Variants in SLC24A2 observed in about 807,000 individuals in gnomAD.
SLC24A2 encodes the protein solute carrier family 24 member 2, also known as sodium/potassium/calcium exchanger 2.
SLC24A2 carries 36 observed loss-of-function variants against 62.0 expected under a neutral mutation model. The observed-to-expected ratio is 0.58, with a 90% CI of 0.44 to 0.77. SLC24A2 has a LOEUF of 0.77. SLC24A2 is among the 30% of genes least tolerant of loss of function. The pLI is 0.00. For synonymous variants in SLC24A2, 358 were observed against 294.0 expected, an observed-to-expected ratio of 1.22 and a Z score of -2.23; for missense variants, 846 against 817.9, an observed-to-expected ratio of 1.03 and a Z score of -0.42.
the SLC24A2 span, among the ~76,000 whole-genome samples, chr9:20,103,681 C>A: frequency 2.0e-5 from 3 of 152,136 alleles, no homozygotes; most frequent in East Asian, 5.8e-4. Flanking sequence ...AGGACATCCA[C>A]ACAAAAAACC....
chr9:20,250,018 T>A, the SLC24A2 span, among the ~76,000 whole-genome samples: 1 of 152,190 alleles, frequency 6.6e-6, no homozygotes, highest in Non-Finnish European at 1.5e-5. Context: ...AGGAACTAAT[T>A]TTCAATTTTT....
intron 7 of SLC24A2, among the ~76,000 whole-genome samples, chr9:19,561,878 T>G (rs1835421673): frequency 6.6e-6 from 1 of 152,236 alleles, no homozygotes; most frequent in African/African-American, 2.4e-5. Context: ...TGAGAAGGTT[T>G]CACTCAGTAA....
the SLC24A2 span, among the ~76,000 whole-genome samples, chr9:20,121,959 T>G: frequency 6.6e-6 from 1 of 152,162 alleles, no homozygotes; most frequent in Non-Finnish European, 1.5e-5. Flanking sequence ...GAAGATTGCT[T>G]GCTAACAAAA....
the SLC24A2 span, among the ~76,000 whole-genome samples, chr9:20,244,175 A>G: frequency 2.6e-5 from 4 of 152,328 alleles, no homozygotes; most frequent in East Asian, 7.7e-4. Context: ...AGTTTTGAAG[A>G]AAAATAAACT....
At chr9:20,204,424 G>A in the SLC24A2 span, among the ~76,000 whole-genome samples, 1 of 152,198 alleles carries the variant, frequency 6.6e-6, no homozygotes, top group Non-Finnish European at 1.5e-5. Context: ...TCCAGTATCA[G>A]AACCAACTAA....
At chr9:19,839,933 C>T in the SLC24A2 span, among the ~76,000 whole-genome samples, 2 of 152,092 alleles carry the variant, frequency 1.3e-5, no homozygotes, top group Admixed American at 1.3e-4. Flanking sequence ...ATACCATATA[C>T]CTTAGGTTTG....
chr9:19,642,172 TC>T (rs1288144188), intron 2 of SLC24A2, among the ~76,000 whole-genome samples: 1 of 152,116 alleles, frequency 6.6e-6, no homozygotes, highest in Non-Finnish European at 1.5e-5. Flanking sequence ...CCTGGGCCTC[TC>T]CAGGTGGGAC....
the SLC24A2 span, among the ~76,000 whole-genome samples, chr9:20,049,237 T>C: frequency 1.3e-5 from 2 of 152,214 alleles, no homozygotes; most frequent in Non-Finnish European, 2.9e-5. Flanking sequence ...GTAATGGTTA[T>C]TGTACCAGAA....
the SLC24A2 span, among the ~76,000 whole-genome samples, chr9:20,145,657 A>G: frequency 6.6e-6 from 1 of 151,356 alleles, no homozygotes; most frequent in East Asian, 2.0e-4. Flanking sequence ...AGGAAGAGGC[A>G]AAAGTCCCAG....
chr9:19,558,334 A>G (rs1254198291), intron 7 of SLC24A2, among the ~76,000 whole-genome samples: 1 of 152,210 alleles, frequency 6.6e-6, no homozygotes, highest in African/African-American at 2.4e-5. Flanking sequence ...TAAGTCACCA[A>G]TGAACATCAG....
the SLC24A2 span, among the ~76,000 whole-genome samples, chr9:19,924,157 G>T: frequency 6.6e-6 from 1 of 152,202 alleles, no homozygotes; most frequent in African/African-American, 2.4e-5. Flanking sequence ...AAGGAACATG[G>T]ATATATACCC....
the SLC24A2 span, among the ~76,000 whole-genome samples, chr9:19,942,327 G>C: frequency 3.3e-5 from 5 of 152,276 alleles, no homozygotes; most frequent in East Asian, 5.8e-4. Flanking sequence ...AAAGATTCAA[G>C]TACTATTATC....
chr9:19,745,166 T>C (rs1821796118), intron 2 of SLC24A2, among the ~76,000 whole-genome samples: 1 of 152,124 alleles, frequency 6.6e-6, no homozygotes, highest in Non-Finnish European at 1.5e-5. Flanking sequence ...CCACCCCTCT[T>C]GCTCTGATGC....
chr9:20,241,590 G>A, the SLC24A2 span, among the ~76,000 whole-genome samples: 1 of 152,104 alleles, frequency 6.6e-6, no homozygotes, highest in African/African-American at 2.4e-5. Context: ...TTAATAAATA[G>A]GTCAAAGGAT....
intron 2 of SLC24A2, among the ~76,000 whole-genome samples, chr9:19,743,706 A>G (rs969016537): frequency 2.0e-5 from 3 of 152,150 alleles, no homozygotes; most frequent in Non-Finnish European, 4.4e-5. Context: ...TAAAATATCT[A>G]CCAATAAAAT....
At chr9:20,119,627 A>G in the SLC24A2 span, among the ~76,000 whole-genome samples, 5 of 152,224 alleles carry the variant, frequency 3.3e-5, no homozygotes, top group Admixed American at 2.0e-4. Context: ...AAGAGCAACC[A>G]TAAAAAGCCT....
intron 6 of SLC24A2, 105 bp from the exon 7 acceptor site, chr9:19,573,574 G>T (rs1241582948): frequency 8.0e-6 from 7 of 869,858 alleles, no homozygotes; most frequent in South Asian, 7.9e-5. Flanking sequence ...GAATCAATGG[G>T]GGTAAAGAGC....
At chr9:20,071,509 G>A in the SLC24A2 span, among the ~76,000 whole-genome samples, 5 of 152,308 alleles carry the variant, frequency 3.3e-5, no homozygotes, top group South Asian at 8.3e-4. Context: ...AGACTTGAGG[G>A]TGACTGTGGT....
At position 19,632,303 on chromosome 9, in the gene SLC24A2, T is replaced by C. The variant is rs1016910835; in HGVS notation, c.931-10004A>G. ...ATGTTACCATGTTATTCCCTCTTGCTCCATTTGCCAAATATCCTCCTTCAC... is the reference window on the plus strand; with the variant it reads ...ATGTTACCATGTTATTCCCTCTTGCCCCATTTGCCAAATATCCTCCTTCAC... On this transcript the variant is annotated intron_variant, in intron 2 of 10. Coordinates refer to ENST00000341998, the MANE Select transcript of SLC24A2 (RefSeq NM_020344.4). The surrounding 1 kb of genome is among the most constrained non-coding windows in gnomAD (Gnocchi z 4.5). Among the ~76,000 whole-genome samples the C allele has an allele frequency of 1.2e-4, 18 of 152,196 alleles. No homozygotes were observed. Among genetic ancestry groups the C allele is most frequent in the African/African-American group, 4.1e-4 (17 of 41,446 alleles).
Sources: gnomAD v4.1 joint callset for allele counts (sites outside exome capture counted in the v4.1 genomes callset) on GRCh38, gnomAD v4.1.1 for gene constraint, Gnocchi (gnomAD v3.1) non-coding constraint, MANE v1.5 for transcripts, NCBI Gene and HGNC (gene_info 2026-07-23, HGNC 2026-07-21) for gene names.